Variants in WDR7 observed in about 807,000 individuals in gnomAD.
WDR7 encodes WD repeat-containing protein 7.
In WDR7, 46 loss-of-function variants were observed where a neutral mutation model predicts 169.4. That is an observed-to-expected ratio of 0.27 (90% confidence interval 0.21 to 0.35). The LOEUF (loss-of-function observed/expected upper bound fraction) is 0.35. Ranked by LOEUF, WDR7 falls within the 10% of genes least tolerant of loss-of-function variation. The pLI, the probability that WDR7 is intolerant of heterozygous loss-of-function variation, is 1.00. For synonymous variants in WDR7, 612 were observed against 666.8 expected (o/e 0.92, Z 1.27); for missense variants, 1,534 against 1,859.3 (o/e 0.83, Z 3.22).
intron 14 of WDR7, among the ~76,000 whole-genome samples, chr18:56,750,866 T>C (rs1416093769): frequency 6.6e-6 from 1 of 152,182 alleles, no homozygotes; most frequent in African/African-American, 2.4e-5. Context: ...CTCACAACTT[T>C]GCTGCATACC....
At chr18:57,036,544 A>G in the WDR7 span, 1 of 152,356 alleles carries the variant, frequency 6.6e-6, no homozygotes, top group Non-Finnish European at 1.5e-5. Flanking sequence ...CTGCCTATGT[A>G]TTGCTTCCTT....
At chr18:57,000,464 T>C (rs1276933577) in intron 26 of WDR7, among the ~76,000 whole-genome samples, 3 of 152,226 alleles carry the variant, frequency 2.0e-5, no homozygotes, top group Non-Finnish European at 4.4e-5. Flanking sequence ...TTATTTTAGC[T>C]ATATGTACCA....
chr18:56,869,713 C>T (rs1372729536), intron 20 of WDR7, among the ~76,000 whole-genome samples: 1 of 152,090 alleles, frequency 6.6e-6, no homozygotes, highest in Non-Finnish European at 1.5e-5. Flanking sequence ...AAGAAGAAGA[C>T]ACAGAAAACT....
At chr18:56,906,062 AC>A (rs2046472277) in intron 21 of WDR7, among the ~76,000 whole-genome samples, 1 of 152,154 alleles carries the variant, frequency 6.6e-6, no homozygotes, top group Non-Finnish European at 1.5e-5. Flanking sequence ...GTATTAATGG[AC>A]CTGGGCAATC....
chr18:56,776,254 T>C (rs913821977), intron 16 of WDR7, among the ~76,000 whole-genome samples: 7 of 152,108 alleles, frequency 4.6e-5, no homozygotes, highest in Admixed American at 4.6e-4. Flanking sequence ...GTATATATAT[T>C]CTTTGCAAGT....
intron 21 of WDR7, among the ~76,000 whole-genome samples, chr18:56,888,842 C>G (rs996451185): frequency 6.6e-6 from 1 of 152,070 alleles, no homozygotes; most frequent in Non-Finnish European, 1.5e-5. Context: ...CAGGGGTATT[C>G]TTAGGATCAA....
At chr18:56,992,802 G>T (rs184752575) in intron 26 of WDR7, among the ~76,000 whole-genome samples, 1 of 152,152 alleles carries the variant, frequency 6.6e-6, no homozygotes, top group African/African-American at 2.4e-5. Flanking sequence ...TGAACTAGAA[G>T]TTCAGGGATA....
intron 20 of WDR7, among the ~76,000 whole-genome samples, chr18:56,843,648 G>T (rs1006237130): frequency 6.6e-6 from 1 of 152,012 alleles, no homozygotes; most frequent in Non-Finnish European, 1.5e-5. Context: ...TATTGATATA[G>T]AACTATCTGT....
At chr18:56,964,193 A>G (rs925432235) in intron 26 of WDR7, among the ~76,000 whole-genome samples, 2 of 149,690 alleles carry the variant, frequency 1.3e-5, no homozygotes, top group Non-Finnish European at 3.0e-5. Context: ...GTCTCAGTGA[A>G]GATCTTGGTA....
intron 26 of WDR7, among the ~76,000 whole-genome samples, chr18:56,986,178 G>A (rs989658257): frequency 6.0e-4 from 65 of 109,220 alleles, no homozygotes; most frequent in South Asian, 1.3e-3. Context: ...GTGTGTGTGT[G>A]TATACATATT....
At chr18:56,907,912 T>A (rs1403641874) in intron 21 of WDR7, among the ~76,000 whole-genome samples, 1 of 152,168 alleles carries the variant, frequency 6.6e-6, no homozygotes, top group Non-Finnish European at 1.5e-5. Flanking sequence ...GCTACAAACA[T>A]GCAGAACAGC....
chr18:56,724,588 T>C (rs920127502), intron 13 of WDR7, among the ~76,000 whole-genome samples: 9 of 152,102 alleles, frequency 5.9e-5, no homozygotes, highest in African/African-American at 1.7e-4. Flanking sequence ...TTTGTATTCC[T>C]GTAAATTTTT....
chr18:56,933,095 G>A (rs1045746172), intron 22 of WDR7, among the ~76,000 whole-genome samples: 6 of 152,126 alleles, frequency 3.9e-5, no homozygotes, highest in African/African-American at 9.7e-5. Context: ...GATTCTAGGA[G>A]GACACTGTAA....
At chr18:56,915,254 A>G (rs2046609504) in intron 21 of WDR7, among the ~76,000 whole-genome samples, 1 of 152,190 alleles carries the variant, frequency 6.6e-6, no homozygotes, top group African/African-American at 2.4e-5. Context: ...AAGGATGTGT[A>G]TAAAGCAAAG....
chr18:56,802,359 T>C (rs2044689671), intron 19 of WDR7, among the ~76,000 whole-genome samples: 1 of 151,914 alleles, frequency 6.6e-6, no homozygotes, highest in Non-Finnish European at 1.5e-5. Context: ...AATTTTTGTT[T>C]TGTTTTTGGT....
downstream of WDR7, chr18:57,031,908 A>C (rs2048443514): frequency 6.6e-6 from 1 of 152,238 alleles, no homozygotes; most frequent in African/African-American, 2.4e-5. Context: ...GTCCTAATTG[A>C]GCATGGATAA....
At chr18:56,793,852 G>A (rs77576583) in intron 19 of WDR7, among the ~76,000 whole-genome samples, 3 of 152,088 alleles carry the variant, frequency 2.0e-5, no homozygotes, top group South Asian at 4.1e-4. Flanking sequence ...TATGTCAAAC[G>A]TCCTTAGTAG....
intron 20 of WDR7, among the ~76,000 whole-genome samples, chr18:56,826,387 G>A (rs935338145): frequency 2.0e-5 from 3 of 152,060 alleles, no homozygotes; most frequent in Non-Finnish European, 1.5e-5. Flanking sequence ...AATAGATGTC[G>A]GGTTCTGAAG....
rs148846384 is a variant in WDR7, at chr18:56,746,194, T to G, written c.1990-10389T>G. ...GTGACTGAAATTCTATATGATGCTG[T>G]CAGTTGAGTACAACAGGTAAAATAT... On this transcript the variant is annotated intron_variant, in intron 14 of 27. Coordinates refer to ENST00000254442, the MANE Select transcript of WDR7 (RefSeq NM_015285.3). Among the ~76,000 whole-genome samples the G allele has an allele frequency of 4.3e-4, 66 of 152,348 alleles. 1 individual carries two copies. The East Asian group carries it at 0.012, about 27-fold the overall frequency.
Sources: gnomAD v4.1 joint callset for allele counts (sites outside exome capture counted in the v4.1 genomes callset) on GRCh38, gnomAD v4.1.1 for gene constraint, MANE v1.5 for transcripts, NCBI Gene and HGNC (gene_info 2026-07-23, HGNC 2026-07-21) for gene names.